ADGRV1: variants seen among roughly 807,000 people sequenced by gnomAD.
ADGRV1 encodes G-protein coupled receptor 98.
ADGRV1 carries 359 observed loss-of-function variants against 596.2 expected under a neutral mutation model. That is an observed-to-expected ratio of 0.60 (90% CI 0.55 to 0.66). ADGRV1 has a LOEUF of 0.66. Among genes scored for constraint, ADGRV1 ranks in the 30% least tolerant of loss-of-function variants. ADGRV1 has a pLI of 0.00. For missense variants in ADGRV1, 7,274 were observed against 7,575.6 expected (o/e 0.96, Z 1.48); for synonymous variants, 2,681 against 2,679.2 (o/e 1.00, Z -0.02).
chr5:90,836,375 T>A (rs1764969424), intron 77 of ADGRV1, among the ~76,000 whole-genome samples: 1 of 152,082 alleles, frequency 6.6e-6, no homozygotes, highest in Admixed American at 6.6e-5. Context: ...TATATCCATG[T>A]ATGGAACACT....
At chr5:90,976,318 G>GTA (rs1465709028) in intron 84 of ADGRV1, among the ~76,000 whole-genome samples, 1 of 120,804 alleles carries the variant, frequency 8.3e-6, no homozygotes, top group Non-Finnish European at 1.7e-5. Flanking sequence ...GTGTGTGTGT[G>GTA]TGTGTATATA....
At chr5:90,887,376 C>T (rs1770409262) in intron 83 of ADGRV1, among the ~76,000 whole-genome samples, 1 of 152,040 alleles carries the variant, frequency 6.6e-6, no homozygotes, top group South Asian at 2.1e-4. Flanking sequence ...TTTAATCCTC[C>T]CATCTCTCCA....
At chr5:90,879,549 T>A (rs1769556492) in intron 83 of ADGRV1, among the ~76,000 whole-genome samples, 2 of 152,200 alleles carry the variant, frequency 1.3e-5, no homozygotes, top group Non-Finnish European at 2.9e-5. Context: ...CTTTTCCCAT[T>A]TCCTTTTGAG....
chr5:90,709,786 G>A (rs1749093982), intron 39 of ADGRV1, among the ~76,000 whole-genome samples: 1 of 152,180 alleles, frequency 6.6e-6, no homozygotes, highest in South Asian at 2.1e-4. Context: ...ATTATTACAA[G>A]ATAATTATTA....
chr5:90,731,908 T>G (rs1292093584), intron 50 of ADGRV1, among the ~76,000 whole-genome samples: 1 of 152,240 alleles, frequency 6.6e-6, no homozygotes, highest in African/African-American at 2.4e-5. Flanking sequence ...AAACGAACAC[T>G]TTTATGAGAA....
intron 76 of ADGRV1, among the ~76,000 whole-genome samples, chr5:90,827,166 G>C (rs1211854843): frequency 6.6e-6 from 1 of 152,086 alleles, no homozygotes; most frequent in Non-Finnish European, 1.5e-5. Flanking sequence ...TCTTATACTA[G>C]TTAGGGCAAA....
chr5:90,863,936 A>G (rs549082140), intron 83 of ADGRV1, 79 bp downstream of exon 83: 12 of 922,614 alleles, frequency 1.3e-5, no homozygotes, highest in Non-Finnish European at 2.1e-5. Context: ...TGAGTGTAAA[A>G]GTAAAGTTTA....
Position 90,653,751 on chromosome 5 carries a change from C to T in ADGRV1, c.4177C>T (p.His1393Tyr), listed in dbSNP as rs760107769. Reference protein sequence around the residue: ...YGVKIQTNESHVTLSLHYKTL... With the variant: ...YGVKIQTNESYVTLSLHYKTL... Reference sequence around the variant, plus strand: ...GGTAAAAATACAAACAAACGAATCCCATGTGACACTTTCCCTTCATTATAA... The same window carrying T: ...GGTAAAAATACAAACAAACGAATCCTATGTGACACTTTCCCTTCATTATAA... Residue 1393 changes from histidine (H) to tyrosine (Y), a missense_variant, in exon 20 of 90, where the codon CAT becomes TAT. This residue lies in a region of ADGRV1 where 1,715 missense variants were observed against 1,708.8 expected (regional missense o/e 1.00). Coordinates refer to ENST00000405460, the MANE Select transcript of ADGRV1 (RefSeq NM_032119.4). The T allele has an allele frequency of 1.2e-6, 2 of 1,613,058 alleles. No individual in the cohort carries two copies. Among genetic ancestry groups the T allele is most frequent in the Non-Finnish European group, 1.7e-6 (2 of 1,179,452 alleles).
At chr5:90,713,340 C>CA (rs1749644163) in intron 42 of ADGRV1, among the ~76,000 whole-genome samples, 1 of 135,768 alleles carries the variant, frequency 7.4e-6, no homozygotes. Flanking sequence ...CCCCAGAAGC[C>CA]TTTTTTTTTT....
At chr5:90,946,745 G>A (rs1776610881) in intron 83 of ADGRV1, among the ~76,000 whole-genome samples, 1 of 152,108 alleles carries the variant, frequency 6.6e-6, no homozygotes, top group African/African-American at 2.4e-5. Context: ...TTAGTTTGCT[G>A]AGGATAATGG....
At chr5:91,005,487 C>T (rs998339125) in intron 85 of ADGRV1, among the ~76,000 whole-genome samples, 1 of 152,124 alleles carries the variant, frequency 6.6e-6, no homozygotes, top group African/African-American at 2.4e-5. Flanking sequence ...CAGGCACACG[C>T]CACCATGCCC....
intron 70 of ADGRV1, among the ~76,000 whole-genome samples, chr5:90,796,501 T>C (rs891551379): frequency 6.6e-6 from 1 of 152,088 alleles, no homozygotes; most frequent in Non-Finnish European, 1.5e-5. Context: ...GTTTGATTGG[T>C]GTACCTGAAA....
chr5:90,844,854 C>T (rs1765730572), intron 78 of ADGRV1, among the ~76,000 whole-genome samples: 1 of 152,170 alleles, frequency 6.6e-6, no homozygotes, highest in Non-Finnish European at 1.5e-5. Context: ...GTTCGTAAGG[C>T]AATTTTAATA....
intron 86 of ADGRV1, among the ~76,000 whole-genome samples, chr5:91,076,412 G>C (rs1373321800): frequency 6.6e-6 from 1 of 152,068 alleles, no homozygotes; most frequent in Non-Finnish European, 1.5e-5. Flanking sequence ...TTCCTTGAGG[G>C]CAGGAACCAT....
At position 90,728,811 on chromosome 5, in the gene ADGRV1, T is replaced by C; in HGVS notation, c.10304T>C (p.Phe3435Ser). Residue 3435 changes from phenylalanine (F) to serine (S), a missense_variant, in exon 49 of 90, where the codon TTC becomes TCC. Phe to Ser is a radical substitution (Grantham distance 155). This residue lies in a region of ADGRV1 where 3,643 missense variants were observed against 3,809.2 expected (regional missense o/e 0.96). Coordinates refer to ENST00000405460, the MANE Select transcript of ADGRV1 (RefSeq NM_032119.4). ...QANARLNSLL[F>S]RWSGSGFINF... Reference sequence around the variant, plus strand: ...AATGCCAGGCTAAACTCCCTTTTATTCAGATGGTCTGGCAGTGGGTTTATT... The same window carrying C: ...AATGCCAGGCTAAACTCCCTTTTATCCAGATGGTCTGGCAGTGGGTTTATT... 1 of 1,613,994 alleles carries C rather than the reference T, an allele frequency of 6.2e-7. No individual in the cohort carries two copies. The highest frequency in any genetic ancestry group is 8.5e-7 in the Non-Finnish European group (1 of 1,179,876).
rs750486840 is a variant in ADGRV1, at chr5:90,637,844, C to A, written c.2136C>A (p.Gly712=). Residue 712 remains glycine, a synonymous_variant, in exon 11 of 90, where the codon GGC becomes GGA. Coordinates refer to ENST00000405460, the MANE Select transcript of ADGRV1 (RefSeq NM_032119.4). ...CGGATGATATAGGCCCCTTTAATGG[C>A]TCTGTTTTGTTTTTATCTGGGCAAA... ...VTPDDIGPFN[G]SVLFLSGQSD... The A allele has an allele frequency of 9.3e-6, 15 of 1,613,464 alleles. No homozygotes were observed. Among genetic ancestry groups the A allele is most frequent in the Middle Eastern group, 1.6e-4 (1 of 6,082 alleles).
At chr5:90,961,704 T>A (rs887953521) in intron 83 of ADGRV1, among the ~76,000 whole-genome samples, 1 of 152,148 alleles carries the variant, frequency 6.6e-6, no homozygotes, top group African/African-American at 2.4e-5. Flanking sequence ...TTCTAAAAAG[T>A]ATTTACTCTT....
chr5:90,740,685 A>G (rs1191258968), intron 50 of ADGRV1, among the ~76,000 whole-genome samples: 1 of 152,138 alleles, frequency 6.6e-6, no homozygotes. Context: ...AAGTGACCTC[A>G]GGTGGTCTAG....
intron 87 of ADGRV1, among the ~76,000 whole-genome samples, chr5:91,122,770 A>C (rs934737600): frequency 6.6e-6 from 1 of 152,242 alleles, no homozygotes; most frequent in South Asian, 2.1e-4. Context: ...TCTGCACCCA[A>C]CTGCCAATGT....
Sources: gnomAD v4.1 joint callset for allele counts (sites outside exome capture counted in the v4.1 genomes callset) on GRCh38, gnomAD v4.1.1 for gene constraint, gnomAD v4.1.1 regional missense constraint, MANE v1.5 for transcripts, NCBI Gene and HGNC (gene_info 2026-07-23, HGNC 2026-07-21) for gene names.